Variants in AIG1 observed in about 807,000 individuals in gnomAD.
AIG1 encodes androgen-induced gene 1 protein.
Under a neutral mutation model 31.4 loss-of-function variants are expected in AIG1, and 23 were observed. That is an observed-to-expected ratio of 0.73 (90% CI 0.53 to 1.04). AIG1 has a LOEUF of 1.04. AIG1 is among the 50% of genes least tolerant of loss of function. The pLI is 0.00. For missense variants in AIG1, 274 were observed against 295.0 expected, an observed-to-expected ratio of 0.93 and a Z score of 0.52; for synonymous variants, 100 against 110.5, an observed-to-expected ratio of 0.90 and a Z score of 0.60.
chr6:143,340,298 C>A lies in AIG1; in HGVS notation c.*622C>A, dbSNP rs1208425328. 1.3e-5 allele frequency: 2 copies of A among 152,174 alleles called. No individual in the cohort carries two copies. Among genetic ancestry groups the A allele is most frequent in the Non-Finnish European group, 2.9e-5 (2 of 68,038 alleles). 9.4% of individuals were successfully genotyped at this position (152,174 alleles called of 1,614,324 possible). A position where few individuals can be genotyped will look rare whatever the true frequency, so the allele number is the denominator to read the frequency against. ...ATGCTGACTAATAAAGACAAAGCCA[C>A]CCTGAACCTGACGTCTGCATTGTGC... On this transcript the variant is annotated 3_prime_UTR_variant, in exon 6 of 6. Transcript: ENST00000357847.
At chr6:143,185,773 T>G (rs2128590681) in intron 3 of AIG1, among the ~76,000 whole-genome samples, 1 of 152,320 alleles carries the variant, frequency 6.6e-6, no homozygotes. Context: ...TTTGAAAGAA[T>G]GCATGAATGA....
At chr6:143,129,837 C>T (rs1290633865) in intron 1 of AIG1, among the ~76,000 whole-genome samples, 1 of 150,872 alleles carries the variant, frequency 6.6e-6, no homozygotes, top group Non-Finnish European at 1.5e-5. Flanking sequence ...TTAGGTACAT[C>T]TATATTTAAG....
chr6:143,289,878 G>A (rs1797937693), intron 4 of AIG1, among the ~76,000 whole-genome samples: 2 of 152,106 alleles, frequency 1.3e-5, no homozygotes, highest in African/African-American at 4.8e-5. Flanking sequence ...TGAAATTTTA[G>A]ACCACATTCA....
intron 3 of AIG1, among the ~76,000 whole-genome samples, chr6:143,209,249 G>C (rs1330679681): frequency 1.3e-5 from 2 of 152,134 alleles, no homozygotes; most frequent in Non-Finnish European, 2.9e-5. Context: ...GTATTGAACA[G>C]GATACTAAAA....
intron 1 of AIG1, among the ~76,000 whole-genome samples, chr6:143,128,899 A>G (rs1350602416): frequency 6.6e-6 from 1 of 152,250 alleles, no homozygotes; most frequent in Non-Finnish European, 1.5e-5. Flanking sequence ...AGACTGTTTC[A>G]TCATTTTTAG....
intron 1 of AIG1, chr6:143,094,308 C>G (rs1169165125): frequency 2.0e-5 from 3 of 151,748 alleles, no homozygotes; most frequent in Non-Finnish European, 2.9e-5. Context: ...CAATGTGTTG[C>G]CAAATTGGTG....
At chr6:143,246,313 G>T (rs1338154757) in intron 3 of AIG1, among the ~76,000 whole-genome samples, 2 of 151,930 alleles carry the variant, frequency 1.3e-5, no homozygotes, top group African/African-American at 4.8e-5. Context: ...GTTCCACGTG[G>T]CTAGGAAGGC....
intron 3 of AIG1, among the ~76,000 whole-genome samples, chr6:143,194,755 G>T (rs1790086407): frequency 6.6e-6 from 1 of 152,136 alleles, no homozygotes. Context: ...ACGGCAGGTG[G>T]CCCCCAGCAT....
intron 3 of AIG1, among the ~76,000 whole-genome samples, chr6:143,270,745 C>T (rs183273491): frequency 2.0e-5 from 3 of 152,106 alleles, no homozygotes; most frequent in Non-Finnish European, 1.5e-5. Flanking sequence ...ATAGAGATGA[C>T]CTTGAAGATT....
intron 2 of AIG1, among the ~76,000 whole-genome samples, chr6:143,160,284 TAATC>T (rs768054187): frequency 2.0e-5 from 3 of 152,234 alleles, no homozygotes; most frequent in Non-Finnish European, 4.4e-5. Flanking sequence ...AATTTCCCAT[TAATC>T]AATAAAGCTT....
chr6:143,283,549 C>G (rs1013225110), intron 3 of AIG1, among the ~76,000 whole-genome samples: 1 of 152,186 alleles, frequency 6.6e-6, no homozygotes, highest in African/African-American at 2.4e-5. Flanking sequence ...GGTTGAAAAT[C>G]TTTTGCATCT....
chr6:143,311,830 A>C (rs1203640397), intron 4 of AIG1, among the ~76,000 whole-genome samples: 1 of 152,054 alleles, frequency 6.6e-6, no homozygotes, highest in Non-Finnish European at 1.5e-5. Context: ...CCAACAAAAA[A>C]ACTGTTAGAA....
chr6:143,276,351 C>T (rs937859426), intron 3 of AIG1, among the ~76,000 whole-genome samples: 3 of 152,080 alleles, frequency 2.0e-5, no homozygotes, highest in South Asian at 2.1e-4. Flanking sequence ...TGGAAGTGCC[C>T]AGAACATACT....
At chr6:143,118,533 A>G (rs1421063195) in intron 1 of AIG1, among the ~76,000 whole-genome samples, 1 of 152,192 alleles carries the variant, frequency 6.6e-6, no homozygotes, top group Non-Finnish European at 1.5e-5. Context: ...GTAAAAAAAA[A>G]TACCGAAAGA....
chr6:143,076,493 G>C (rs1461970664), intron 1 of AIG1, among the ~76,000 whole-genome samples: 1 of 151,912 alleles, frequency 6.6e-6, no homozygotes, highest in Non-Finnish European at 1.5e-5. Flanking sequence ...ATAACATATA[G>C]TTGCATCTTA....
At chr6:143,116,987 C>G (rs1781795141) in intron 1 of AIG1, among the ~76,000 whole-genome samples, 1 of 152,092 alleles carries the variant, frequency 6.6e-6, no homozygotes, top group Non-Finnish European at 1.5e-5. Flanking sequence ...GAACGAATCT[C>G]TGTTTCGCCA....
At chr6:143,113,718 A>G (rs1220431768) in intron 1 of AIG1, among the ~76,000 whole-genome samples, 5 of 152,070 alleles carry the variant, frequency 3.3e-5, no homozygotes, top group African/African-American at 1.2e-4. Context: ...GAGTTTTCTT[A>G]GGACAGACAA....
chr6:143,109,792 A>T (rs1781113628), intron 1 of AIG1, among the ~76,000 whole-genome samples: 1 of 152,156 alleles, frequency 6.6e-6, no homozygotes, highest in African/African-American at 2.4e-5. Flanking sequence ...ATTTTCAGTT[A>T]TATACATGAC....
At chr6:143,169,095 A>G (rs939796640) in intron 3 of AIG1, among the ~76,000 whole-genome samples, 1 of 151,826 alleles carries the variant, frequency 6.6e-6, no homozygotes, top group African/African-American at 2.4e-5. Context: ...CATATTTTCT[A>G]TTTTGTTTTA....
Sources: gnomAD v4.1 joint callset for allele counts (sites outside exome capture counted in the v4.1 genomes callset) on GRCh38, gnomAD v4.1.1 for gene constraint, MANE v1.5 for transcripts, NCBI Gene and HGNC (gene_info 2026-07-23, HGNC 2026-07-21) for gene names.